The following KCNQ1 variants were observed in gnomAD, a reference collection of about 807,000 sequenced individuals.
KCNQ1 encodes the protein potassium voltage-gated channel subfamily Q member 1.
A neutral mutation model predicts 72.4 loss-of-function variants in KCNQ1; 49 were observed. That is an observed-to-expected ratio of 0.68 (90% CI 0.54 to 0.86). The LOEUF is 0.86. KCNQ1 is among the 40% of genes least tolerant of loss of function. The probability of loss-of-function intolerance (pLI) is 0.00; values close to 1 mark genes in which losing one functional copy is unlikely to be tolerated. For synonymous variants in KCNQ1, 450 were observed against 412.6 expected (o/e 1.09, Z -1.10); for missense variants, 790 against 945.1 (o/e 0.84, Z 2.15).
chr11:2,537,658 G>A lies in KCNQ1; in HGVS notation c.477+9640G>A, dbSNP rs944775376. Among the ~76,000 whole-genome samples the A allele has an allele frequency of 2.1e-4, 31 of 151,092 alleles. 1 individual carries two copies. Among genetic ancestry groups the A allele is most frequent in the Admixed American group, 1.4e-3 (21 of 15,244 alleles). On this transcript the variant is annotated intron_variant, in intron 2 of 15. Transcript: ENST00000155840. This position sits in a 1 kb window ranked among gnomAD's most constrained non-coding sequence, Gnocchi z 5.2. Reference sequence around the variant, plus strand: ...TCATCTTCTGCCATTTGCTCTGCACGTTTCTCTCTATATGCAAAAACCTAT... The same window carrying A: ...TCATCTTCTGCCATTTGCTCTGCACATTTCTCTCTATATGCAAAAACCTAT...
At position 2,698,284 on chromosome 11, in the gene KCNQ1, C is replaced by T; in HGVS notation, c.1514+36203C>T. On this transcript the variant is annotated intron_variant, in intron 11 of 15. Transcript: ENST00000155840. This position sits in a 1 kb window ranked among gnomAD's most constrained non-coding sequence, Gnocchi z 5.1. ...GATAATCTAAGACAGAACTATTCTACCTGGATGAATTATTCTCTTTCATAA... is the reference window on the plus strand; with the variant it reads ...GATAATCTAAGACAGAACTATTCTATCTGGATGAATTATTCTCTTTCATAA... The T allele has an allele frequency of 5.0e-6, 2 of 398,638 alleles. No individual in the cohort carries two copies. Among genetic ancestry groups the T allele is most frequent in the Admixed American group, 4.4e-5 (1 of 22,736 alleles). 24.7% of individuals were successfully genotyped at this position (398,638 alleles called of 1,614,324 possible).
chr11:2,530,675 A>G lies in KCNQ1; in HGVS notation c.477+2657A>G, dbSNP rs147707661. Among the ~76,000 whole-genome samples the G allele has an allele frequency of 1.1e-3, 169 of 152,276 alleles. 3 individuals are homozygous for G. In the South Asian group the frequency reaches 0.024, roughly 21 times the overall value. On this transcript the variant is annotated intron_variant, in intron 2 of 15. Coordinates refer to ENST00000155840, the MANE Select transcript of KCNQ1 (RefSeq NM_000218.3). ...CATGAGCACGTGGGGACTTTCACGCATGTTTGGCTCTGTTTCAATGTGTGT... is the reference window on the plus strand; with the variant it reads ...CATGAGCACGTGGGGACTTTCACGCGTGTTTGGCTCTGTTTCAATGTGTGT...
Position 2,690,562 on chromosome 11 carries a change from C to A in KCNQ1, c.1514+28481C>A. 2.5e-6 allele frequency: 1 copy of A among 398,648 alleles called. No individual in the cohort carries two copies. Among genetic ancestry groups the A allele is most frequent in the South Asian group, 1.3e-4 (1 of 7,826 alleles). The allele number at this position is 398,648 out of a possible 1,614,324, so 24.7% of individuals were successfully genotyped here. On this transcript the variant is annotated intron_variant, in intron 11 of 15. Transcript: ENST00000155840. The surrounding 1 kb of genome is among the most constrained non-coding windows in gnomAD (Gnocchi z 5.1). ...TAGGGAAGGACAAGAAGTAACATGT[C>A]AAAGATGGGACAGAACCCACCTCCT...
At chr11:2,472,521 C>G (rs1846501236) in intron 1 of KCNQ1, among the ~76,000 whole-genome samples, 3 of 152,082 alleles carry the variant, frequency 2.0e-5, no homozygotes, top group Non-Finnish European at 2.9e-5. Flanking sequence ...GCACCTTTAC[C>G]CAGAGAAGGA....
Position 2,471,914 on chromosome 11 carries a change from ATGTG to A in KCNQ1, c.386+26434_386+26437del, listed in dbSNP as rs929373410. On this transcript the variant is annotated intron_variant, in intron 1 of 15. Transcript: ENST00000155840. This position sits in a 1 kb window ranked among gnomAD's most constrained non-coding sequence, Gnocchi z 4.8. ...TATAGGTGTGTGTATGCGTGCACCT[ATGTG>A]TGTATAGGCGTGTATGTGTGCGCGT... 3.5e-4 allele frequency among the ~76,000 whole-genome samples: 51 copies of A among 144,682 alleles called. No homozygotes were observed. The highest frequency in any genetic ancestry group is 2.3e-3 in the Admixed American group (33 of 14,632). 94.9% of individuals were successfully genotyped at this position (144,682 alleles called of 152,430 possible). A position where few individuals can be genotyped will look rare whatever the true frequency, so the allele number is the denominator to read the frequency against.
At chr11:2,505,973 T>A (rs922094491) in intron 1 of KCNQ1, among the ~76,000 whole-genome samples, 4 of 152,214 alleles carry the variant, frequency 2.6e-5, no homozygotes, top group Non-Finnish European at 5.9e-5. Flanking sequence ...CTTTACATTT[T>A]CATAAAATTT....
chr11:2,506,672 C>T (rs537499117), intron 1 of KCNQ1, among the ~76,000 whole-genome samples: 1 of 152,128 alleles, frequency 6.6e-6, no homozygotes, highest in African/African-American at 2.4e-5. Flanking sequence ...TTGGATGTGA[C>T]CAAATTTCCC....
rs555799026 is a variant in KCNQ1, at chr11:2,742,851, A to G, written c.1515-25993A>G. Among the ~76,000 whole-genome samples the G allele has an allele frequency of 2.6e-5, 4 of 152,304 alleles. No individual in the cohort carries two copies. In the East Asian group the frequency reaches 7.7e-4, roughly 29 times the overall value. On this transcript the variant is annotated intron_variant, in intron 11 of 15. Coordinates refer to ENST00000155840, the MANE Select transcript of KCNQ1 (RefSeq NM_000218.3). ...GCGGCTTAGGGACCCCCGAGTAAGC[A>G]GGCAGACCCACAGGAAATCCAGTGC...
At chr11:2,697,013 G>A (rs1850688616) in intron 11 of KCNQ1, 1 of 398,102 alleles carries the variant, frequency 2.5e-6, no homozygotes, top group Non-Finnish European at 4.4e-6. Flanking sequence ...AGTGTAGTCT[G>A]GGGATTCCAG....
At chr11:2,571,429 C>G (rs551505055) in intron 4 of KCNQ1, 26 bp downstream of exon 4, 1 of 1,590,764 alleles carries the variant, frequency 6.3e-7, no homozygotes. Flanking sequence ...AAGCTCCCCC[C>G]GCCATGCCGC....
rs1851185152 is a variant in KCNQ1 at position 2,720,538 on chromosome 11, C to T, written c.1515-48306C>T. Among the ~76,000 whole-genome samples the T allele has an allele frequency of 6.6e-6, 1 of 152,198 alleles. No individual in the cohort carries two copies. The highest frequency in any genetic ancestry group is 1.5e-5 in the Non-Finnish European group (1 of 68,028). Reference sequence around the variant, plus strand: ...GGGACCCAGGGCTGACCAGAGCAAGCAGTGTGCCATTAACCCCTACCTGTC... The same window carrying T: ...GGGACCCAGGGCTGACCAGAGCAAGTAGTGTGCCATTAACCCCTACCTGTC... On this transcript the variant is annotated intron_variant, in intron 11 of 15. Coordinates refer to ENST00000155840, the MANE Select transcript of KCNQ1 (RefSeq NM_000218.3). The surrounding 1 kb of genome is among the most constrained non-coding windows in gnomAD (Gnocchi z 5.1).
rs780891889 is a variant in KCNQ1, at chr11:2,848,374, C to T, written c.*371C>T. ...GAGTGCAGGCCCACCCTGCTTGGCC[C>T]AGGGGGCTTCCTGAGGGGAGACAGA... On this transcript the variant is annotated 3_prime_UTR_variant, in exon 16 of 16. Transcript: ENST00000155840. 1 of 515,072 alleles carries T rather than the reference C, an allele frequency of 1.9e-6. No individual in the cohort carries two copies. Among genetic ancestry groups the T allele is most frequent in the Non-Finnish European group, 3.7e-6 (1 of 266,682 alleles). The allele number at this position is 515,072 out of a possible 1,614,324, so 31.9% of individuals were successfully genotyped here. A position where few individuals can be genotyped will look rare whatever the true frequency, so the allele number is the denominator to read the frequency against.
At chr11:2,551,787 G>A (rs1445228367) in intron 2 of KCNQ1, among the ~76,000 whole-genome samples, 1 of 152,302 alleles carries the variant, frequency 6.6e-6, no homozygotes, top group East Asian at 1.9e-4. Context: ...TTTAAGCTTT[G>A]CCCATCCTAA....
rs766061955 is a variant in KCNQ1 at position 2,585,319 on chromosome 11, G to C, written c.1128+12G>C. ...CCTCACTCATTCAGGTGCGGTGCCTGCAAGGCCCTGGTCACTGTCATTTTG... is the reference window on the plus strand; with the variant it reads ...CCTCACTCATTCAGGTGCGGTGCCTCCAAGGCCCTGGTCACTGTCATTTTG... On this transcript the variant is annotated intron_variant, in intron 8 of 15. Transcript: ENST00000155840. The C allele has an allele frequency of 6.2e-7, 1 of 1,609,148 alleles. No homozygotes were observed. The highest frequency in any genetic ancestry group is 2.2e-5 in the East Asian group (1 of 44,866).
chr11:2,804,510 G>C (rs949550602), intron 15 of KCNQ1, among the ~76,000 whole-genome samples: 4 of 152,258 alleles, frequency 2.6e-5, no homozygotes, highest in Non-Finnish European at 5.9e-5. Context: ...GCTCCCCTCA[G>C]AGGGCTGGGT....
chr11:2,822,911 A>G (rs372472155), intron 15 of KCNQ1, among the ~76,000 whole-genome samples: 2 of 151,200 alleles, frequency 1.3e-5, no homozygotes, highest in Admixed American at 1.3e-4. Flanking sequence ...GGAAATGTCA[A>G]TTATGCTGCT....
intron 11 of KCNQ1, chr11:2,688,869 T>C: frequency 2.5e-6 from 1 of 398,984 alleles, no homozygotes; most frequent in Non-Finnish European, 4.4e-6. Context: ...CCAGAGGTCA[T>C]GCAGCAAGGT....
At chr11:2,722,537 G>A (rs1202804031) in intron 11 of KCNQ1, among the ~76,000 whole-genome samples, 2 of 152,154 alleles carry the variant, frequency 1.3e-5, no homozygotes, top group Non-Finnish European at 2.9e-5. Flanking sequence ...AGGCCAGCAT[G>A]TCAGCCACGG....
Position 2,588,784 on chromosome 11 carries a change from C to T in KCNQ1, c.1323C>T (p.Pro441=), listed in dbSNP as rs145452045. Residue 441 remains proline (P), a synonymous_variant, in exon 10 of 16, where the codon CCC becomes CCT. Transcript: ENST00000155840. The surrounding 1 kb of genome is among the most constrained non-coding windows in gnomAD (Gnocchi z 5.6). ...CTGGAGAGAAGATGCTCACAGTCCC[C>T]CATATCACGTGCGACCCCCCAGAAG... The part of the protein sequence containing the change: ...VTPGEKMLTV[P]HITCDPPEER... 2.4e-5 allele frequency: 38 copies of T among 1,613,334 alleles called. No individual in the cohort carries two copies. In the African/African-American group the frequency reaches 2.7e-4, roughly 11 times the overall value.
Sources: gnomAD v4.1 joint callset for allele counts (sites outside exome capture counted in the v4.1 genomes callset) on GRCh38, gnomAD v4.1.1 for gene constraint, Gnocchi (gnomAD v3.1) non-coding constraint, MANE v1.5 for transcripts, NCBI Gene and HGNC (gene_info 2026-07-23, HGNC 2026-07-21) for gene names.